PCDHGA1: variants seen among roughly 807,000 people sequenced by gnomAD.
The protein encoded by PCDHGA1 is protocadherin gamma subfamily A, 1, also known as protocadherin gamma-A1.
A neutral mutation model predicts 58.0 loss-of-function variants in PCDHGA1; 32 were observed. The ratio of observed to expected loss-of-function variants is 0.55; its 90% CI spans 0.42 to 0.74. The LOEUF is 0.74. PCDHGA1 is among the 30% of genes least tolerant of loss of function. The pLI is 0.00. For missense variants in PCDHGA1, 1,205 were observed against 1,182.3 expected, an observed-to-expected ratio of 1.02 and a Z score of -0.28; for synonymous variants, 498 against 501.1, an observed-to-expected ratio of 0.99 and a Z score of 0.08.
At chr5:141,385,268 C>CTT (rs1561607550) in intron 1 of PCDHGA1, 1 of 1,613,616 alleles carries the variant, frequency 6.2e-7, no homozygotes, top group Non-Finnish European at 8.5e-7. Context: ...AAAAATGATT[C>CTT]TTTGCTAACA....
At chr5:141,371,849 C>T (rs1323132095) in intron 1 of PCDHGA1, 2 of 1,613,542 alleles carry the variant, frequency 1.2e-6, no homozygotes, top group Admixed American at 1.7e-5. Flanking sequence ...GACCTAATGG[C>T]CTTGTCTCCT....
chr5:141,407,505 T>TTTTTTTTTTTTTTTTTTTTTTTTTTGAG (rs1460306566), intron 1 of PCDHGA1, among the ~76,000 whole-genome samples: 1 of 152,146 alleles, frequency 6.6e-6, no homozygotes, highest in Non-Finnish European at 1.5e-5. Context: ...CTGTTTTTCT[T>TTTTTTTTTTTTTTTTTTTTTTTTTTGAG]AGGCTATGTA....
At chr5:141,378,741 A>C (rs1588862467) in intron 1 of PCDHGA1, 2 of 152,230 alleles carry the variant, frequency 1.3e-5, no homozygotes, top group African/African-American at 2.4e-5. Context: ...GAAATATTTC[A>C]AGAAAAAAGG....
At position 141,493,906 on chromosome 5, in the gene PCDHGA1, G is replaced by A. The variant is rs2099750764; in HGVS notation, c.2422-901G>A. ...CTCTAGGAGTGCTCCATGAGAGTGT[G>A]TGATGGGATAACACACCCCCTGGAA... is the stretch of plus-strand genomic sequence containing the variant. On this transcript the variant is annotated intron_variant, in intron 1 of 3. Transcript: ENST00000517417. The surrounding 1 kb of genome is among the most constrained non-coding windows in gnomAD (Gnocchi z 4.3). Among the ~76,000 whole-genome samples the A allele has an allele frequency of 6.6e-6, 1 of 152,200 alleles. No individual in the cohort carries two copies. Among genetic ancestry groups the A allele is most frequent in the Non-Finnish European group, 1.5e-5 (1 of 68,032 alleles).
chr5:141,486,561 T>C lies in PCDHGA1; in HGVS notation c.2422-8246T>C. ...TTCTTTCAGAGGTCACATGAGGTGT[T>C]TGTTCCTGAGAACAATCGCCCAGGG... On this transcript the variant is annotated intron_variant, in intron 1 of 3. Transcript: ENST00000517417. This position sits in a 1 kb window ranked among gnomAD's most constrained non-coding sequence, Gnocchi z 5.0. 6.2e-7 allele frequency: 1 copy of C among 1,614,076 alleles called. No individual in the cohort carries two copies. Among genetic ancestry groups the C allele is most frequent in the Non-Finnish European group, 8.5e-7 (1 of 1,180,030 alleles).
intron 3 of PCDHGA1, among the ~76,000 whole-genome samples, chr5:141,510,048 G>GTGAT (rs1392197406): frequency 1.3e-5 from 2 of 152,192 alleles, no homozygotes; most frequent in Non-Finnish European, 2.9e-5. Context: ...GAGGTTAAAA[G>GTGAT]TGATTGTGCA....
chr5:141,419,905 T>G (rs916259620), intron 1 of PCDHGA1: 23 of 1,613,978 alleles, frequency 1.4e-5, no homozygotes, highest in Non-Finnish European at 1.9e-5. Context: ...CCACACCCTC[T>G]GACTCCCAGG....
At chr5:141,374,951 C>T (rs780549456) in intron 1 of PCDHGA1, 2 of 1,614,018 alleles carry the variant, frequency 1.2e-6, no homozygotes, top group Non-Finnish European at 1.7e-6. Context: ...AAAGATCTCA[C>T]AAATTTTCTG....
chr5:141,425,490 G>T (rs2096878933), intron 1 of PCDHGA1, among the ~76,000 whole-genome samples: 1 of 152,122 alleles, frequency 6.6e-6, no homozygotes, highest in Non-Finnish European at 1.5e-5. Context: ...AACCTACTAG[G>T]CTATACCTTT....
intron 1 of PCDHGA1, chr5:141,375,733 G>C: frequency 6.2e-7 from 1 of 1,614,248 alleles, no homozygotes; most frequent in South Asian, 1.1e-5. Context: ...CACTGAGCCT[G>C]TTTGTGCTGG....
intron 1 of PCDHGA1, among the ~76,000 whole-genome samples, chr5:141,435,017 C>T (rs1477938779): frequency 1.3e-5 from 2 of 151,994 alleles, no homozygotes; most frequent in Middle Eastern, 3.2e-3. Flanking sequence ...AATGATAATG[C>T]TCTTTTCCCA....
At chr5:141,428,185 G>A (rs775261215) in intron 1 of PCDHGA1, 1 of 1,446,348 alleles carries the variant, frequency 6.9e-7, no homozygotes, top group Admixed American at 1.8e-5. Context: ...GAGGACAGCC[G>A]CCGCTCTCTG....
At chr5:141,360,144 G>C (rs1761438795) in intron 1 of PCDHGA1, 1 of 1,596,030 alleles carries the variant, frequency 6.3e-7, no homozygotes, top group African/African-American at 1.3e-5. Context: ...AGATGAAAGC[G>C]AGCTCAGGGA....
chr5:141,460,912 G>GTGTA (rs145509489), intron 1 of PCDHGA1, among the ~76,000 whole-genome samples: 34,285 of 149,232 alleles, frequency 0.23, 4,672 homozygotes, highest in African/African-American at 0.39. Flanking sequence ...ATTCCATGGT[G>GTGTA]TATATATATA....
chr5:141,389,439 G>A, intron 1 of PCDHGA1: 1 of 1,610,580 alleles, frequency 6.2e-7, no homozygotes. Context: ...GCGCGCCTTC[G>A]ACCACGAGCA....
At chr5:141,384,521 C>T (rs1255804611) in intron 1 of PCDHGA1, 3 of 1,614,122 alleles carry the variant, frequency 1.9e-6, no homozygotes, top group Non-Finnish European at 1.7e-6. Flanking sequence ...GGGGACCCGC[C>T]TCTCAGCAGC....
intron 1 of PCDHGA1, chr5:141,360,302 T>C: frequency 8.1e-6 from 13 of 1,613,882 alleles, no homozygotes; most frequent in Non-Finnish European, 1.1e-5. Flanking sequence ...GATCTGGGGC[T>C]CAGCGTCCGG....
intron 1 of PCDHGA1, among the ~76,000 whole-genome samples, chr5:141,438,019 G>A (rs1031334687): frequency 1.3e-5 from 2 of 152,104 alleles, no homozygotes; most frequent in Non-Finnish European, 2.9e-5. Context: ...GAGATTACAG[G>A]TGTGAGCCAC....
intron 1 of PCDHGA1, chr5:141,393,342 C>T (rs765924046): frequency 6.2e-7 from 1 of 1,613,944 alleles, no homozygotes; most frequent in Admixed American, 1.7e-5. Context: ...CCCCAATCAC[C>T]ACTTCTCCCT....
Sources: allele counts gnomAD v4.1 joint callset (sites outside exome capture counted in the v4.1 genomes callset), GRCh38; gene constraint gnomAD v4.1.1; non-coding constraint Gnocchi (gnomAD v3.1); transcripts MANE v1.5; gene names NCBI Gene and HGNC (gene_info 2026-07-23, HGNC 2026-07-21).